CLSTN2: variants seen among roughly 807,000 people sequenced by gnomAD.
The protein encoded by CLSTN2 is calsyntenin 2.
In CLSTN2, 48 loss-of-function variants were observed where a neutral mutation model predicts 101.2. The ratio of observed to expected loss-of-function variants is 0.47; its 90% CI spans 0.38 to 0.60. The LOEUF (loss-of-function observed/expected upper bound fraction) is 0.60, where lower values mean the gene tolerates loss of function less well. Among genes scored for constraint, CLSTN2 ranks in the 20% least tolerant of loss-of-function variants. The pLI is 0.00. For synonymous variants in CLSTN2, 481 were observed against 463.6 expected (o/e 1.04, Z -0.48); for missense variants, 1,160 against 1,238.2 (o/e 0.94, Z 0.95).
At chr3:140,409,167 A>G (rs1293066781) in intron 4 of CLSTN2, among the ~76,000 whole-genome samples, 3 of 152,234 alleles carry the variant, frequency 2.0e-5, no homozygotes, top group Non-Finnish European at 4.4e-5. Context: ...CTTGACTGCT[A>G]TAGTCATGCA....
In CLSTN2 at chr3:140,573,828, C is replaced by T. The variant is rs1985644280; in HGVS notation, c.*7575C>T. The T allele has an allele frequency of 2.6e-5, 4 of 152,204 alleles. No homozygotes were observed. 9.4% of individuals were successfully genotyped at this position (152,204 alleles called of 1,614,324 possible). A position where few individuals can be genotyped will look rare whatever the true frequency, so the allele number is the denominator to read the frequency against. ...GTCCTCCTGAATGGCCCAAAGACACCCCTGTTTCTGGGGAACAGAAGGGAG... is the reference window on the plus strand; with the variant it reads ...GTCCTCCTGAATGGCCCAAAGACACTCCTGTTTCTGGGGAACAGAAGGGAG... On this transcript the variant is annotated 3_prime_UTR_variant, in exon 17 of 17. Transcript: ENST00000458420.
intron 2 of CLSTN2, among the ~76,000 whole-genome samples, chr3:140,349,094 T>C (rs1334055656): frequency 1.3e-5 from 2 of 152,118 alleles, no homozygotes; most frequent in African/African-American, 4.8e-5. Context: ...AGTGAGCGAG[T>C]TCTTATGAGG....
chr3:140,266,386 G>A (rs1383448249), intron 2 of CLSTN2, among the ~76,000 whole-genome samples: 6 of 152,192 alleles, frequency 3.9e-5, no homozygotes, highest in Non-Finnish European at 7.3e-5. Context: ...TTATAAGATA[G>A]TAGTGGTTGT....
intron 1 of CLSTN2, among the ~76,000 whole-genome samples, chr3:139,958,363 T>A (rs1378602886): frequency 6.6e-6 from 1 of 152,162 alleles, no homozygotes; most frequent in East Asian, 1.9e-4. Context: ...TGAGGTGAGT[T>A]TTGTGTGCTC....
intron 2 of CLSTN2, among the ~76,000 whole-genome samples, chr3:140,377,276 G>A (rs1440668225): frequency 2.0e-5 from 3 of 152,164 alleles, no homozygotes; most frequent in Non-Finnish European, 4.4e-5. Flanking sequence ...GAAGGTATAG[G>A]ACATAATACT....
intron 10 of CLSTN2, among the ~76,000 whole-genome samples, chr3:140,552,791 G>A (rs1356303229): frequency 2.0e-5 from 3 of 152,178 alleles, no homozygotes; most frequent in South Asian, 2.1e-4. Flanking sequence ...CCCTTGAGGT[G>A]CTCACAATCT....
chr3:139,967,879 G>A (rs992595012), intron 1 of CLSTN2, among the ~76,000 whole-genome samples: 4 of 152,068 alleles, frequency 2.6e-5, no homozygotes, highest in African/African-American at 7.2e-5. Context: ...TTTTCAGGGG[G>A]CCAATTTGCC....
At chr3:140,188,798 C>T (rs73226961) in intron 2 of CLSTN2, among the ~76,000 whole-genome samples, 1 of 152,106 alleles carries the variant, frequency 6.6e-6, no homozygotes, top group Non-Finnish European at 1.5e-5. Context: ...ACTCAGTTTC[C>T]CCCAGTGATA....
chr3:140,198,042 A>G (rs574699930), intron 2 of CLSTN2, among the ~76,000 whole-genome samples: 1 of 152,306 alleles, frequency 6.6e-6, no homozygotes, highest in South Asian at 2.1e-4. Context: ...GAATTGTACC[A>G]GTGTTTCAAG....
intron 1 of CLSTN2, among the ~76,000 whole-genome samples, chr3:140,086,421 C>T (rs1373785909): frequency 2.0e-5 from 3 of 152,124 alleles, no homozygotes; most frequent in Non-Finnish European, 4.4e-5. Context: ...TCAATATCTT[C>T]ATATGTCATT....
At chr3:140,395,234 G>A (rs552251578) in intron 2 of CLSTN2, among the ~76,000 whole-genome samples, 3 of 152,218 alleles carry the variant, frequency 2.0e-5, no homozygotes, top group East Asian at 1.9e-4. Flanking sequence ...AGGTATAAAT[G>A]GTGAAAACTG....
intron 2 of CLSTN2, among the ~76,000 whole-genome samples, chr3:140,287,466 T>C (rs961329549): frequency 6.6e-6 from 1 of 152,214 alleles, no homozygotes; most frequent in African/African-American, 2.4e-5. Flanking sequence ...GTGATTTCAC[T>C]GTATATACAC....
chr3:140,216,911 T>G (rs2010928318), intron 2 of CLSTN2, among the ~76,000 whole-genome samples: 1 of 152,184 alleles, frequency 6.6e-6, no homozygotes, highest in Non-Finnish European at 1.5e-5. Context: ...GGCTCTGTCA[T>G]AAATGCCTTA....
intron 1 of CLSTN2, among the ~76,000 whole-genome samples, chr3:140,129,881 C>G (rs184967287): frequency 6.6e-6 from 1 of 152,238 alleles, no homozygotes; most frequent in Admixed American, 6.5e-5. Flanking sequence ...TGTCACATGT[C>G]GGAAGACCAC....
intron 2 of CLSTN2, among the ~76,000 whole-genome samples, chr3:140,231,530 G>T (rs1164205491): frequency 6.6e-6 from 1 of 152,156 alleles, no homozygotes; most frequent in African/African-American, 2.4e-5. Context: ...AAATTGGGTT[G>T]CCCATTATAG....
intron 2 of CLSTN2, among the ~76,000 whole-genome samples, chr3:140,313,615 T>C (rs1451692362): frequency 6.6e-6 from 1 of 152,218 alleles, no homozygotes; most frequent in Non-Finnish European, 1.5e-5. Flanking sequence ...AGGGGCATAA[T>C]GATTCCAAGA....
At chr3:140,218,344 T>C (rs6439900) in intron 2 of CLSTN2, among the ~76,000 whole-genome samples, 99,709 of 152,082 alleles carry the variant, frequency 0.66, 33,163 homozygotes, top group East Asian at 0.92. Context: ...CAAAGCTGTT[T>C]GGGATCTTGG....
intron 2 of CLSTN2, among the ~76,000 whole-genome samples, chr3:140,301,218 A>G (rs1419893453): frequency 6.6e-6 from 1 of 152,198 alleles, no homozygotes; most frequent in Non-Finnish European, 1.5e-5. Context: ...AGCTTGACAC[A>G]TATACTTAAC....
At chr3:140,135,107 CACACACACACATATATATAT>C (rs2009590534) in intron 1 of CLSTN2, among the ~76,000 whole-genome samples, 17 of 52,480 alleles carry the variant, frequency 3.2e-4, no homozygotes, top group Admixed American at 5.7e-4. Flanking sequence ...CACACACACA[CACACACACACATATATATAT>C]ATATATATAT....
Sources: gnomAD v4.1 joint callset for allele counts (sites outside exome capture counted in the v4.1 genomes callset) on GRCh38, gnomAD v4.1.1 for gene constraint, MANE v1.5 for transcripts, NCBI Gene and HGNC (gene_info 2026-07-23, HGNC 2026-07-21) for gene names.